Variants in DOP1A observed in about 807,000 individuals in gnomAD.
DOP1A encodes protein DOP1A.
DOP1A carries 90 observed loss-of-function variants against 267.6 expected under a neutral mutation model. That is an observed-to-expected ratio of 0.34 (90% CI 0.28 to 0.40). DOP1A has a LOEUF of 0.40. DOP1A is among the 10% of genes least tolerant of loss of function. DOP1A has a pLI of 1.00. For synonymous variants in DOP1A, 932 were observed against 999.1 expected (o/e 0.93, Z 1.27); for missense variants, 2,437 against 2,900.4 (o/e 0.84, Z 3.67).
chr6:83,145,385 C>A, intron 24 of DOP1A, 139 bp from the exon 25 acceptor site: 1 of 709,666 alleles, frequency 1.4e-6, no homozygotes, highest in Non-Finnish European at 2.1e-6. Flanking sequence ...GAGTTTGAGA[C>A]CAGGCTGGGC....
chr6:83,118,830 G>GA, intron 7 of DOP1A, 58 bp from the exon 8 acceptor site: 4 of 1,466,918 alleles, frequency 2.7e-6, no homozygotes, highest in South Asian at 2.5e-5. Context: ...TTTTAAAGAG[G>GA]AAAAAAATAA....
intron 23 of DOP1A, 74 bp downstream of exon 23, chr6:83,140,477 T>A: frequency 8.2e-7 from 1 of 1,216,624 alleles, no homozygotes; most frequent in Non-Finnish European, 1.1e-6. Context: ...TCAGAATATG[T>A]GAATAATTTG....
At chr6:83,098,120 A>T (rs1771846694) in intron 3 of DOP1A, among the ~76,000 whole-genome samples, 1 of 152,012 alleles carries the variant, frequency 6.6e-6, no homozygotes, top group Non-Finnish European at 1.5e-5. Flanking sequence ...CTTGGCCTCA[A>T]ATGATCCTCC....
At chr6:83,077,481 C>T (rs1767299893) in intron 1 of DOP1A, among the ~76,000 whole-genome samples, 3 of 151,704 alleles carry the variant, frequency 2.0e-5, no homozygotes, top group Admixed American at 1.3e-4. Flanking sequence ...CCAACCTGGG[C>T]AAGAAAGTAA....
chr6:83,100,844 TA>T lies in DOP1A; in HGVS notation c.280del (p.Ile94LeufsTer28). ...GAAACATATGAAATTATCTTCAAAA[TA>T]ATTGGACCTAAGCGACTTGCCAAAG... ...ALETYEIIFKIIGPKRLAKDL... is the reference protein window; with the variant it reads ...ALETYEIIFKXIGPKRLAKDL... On this transcript the variant is annotated frameshift_variant, in exon 4 of 39. Transcript: ENST00000349129. LOFTEE classifies it high-confidence loss of function. 6.3e-7 allele frequency: 1 copy of T among 1,578,954 alleles called. No individual in the cohort carries two copies.
chr6:83,096,112 T>G (rs1267778337), intron 1 of DOP1A, among the ~76,000 whole-genome samples: 1 of 152,064 alleles, frequency 6.6e-6, no homozygotes, highest in African/African-American at 2.4e-5. Context: ...TGGATTTGTT[T>G]TTTTGCTTTA....
intron 27 of DOP1A, 103 bp downstream of exon 27, chr6:83,148,966 A>G (rs1346281697): frequency 6.2e-6 from 4 of 643,722 alleles, no homozygotes; most frequent in Non-Finnish European, 9.6e-6. Context: ...TGATCTCTCT[A>G]CCTTCTCATA....
At chr6:83,147,173 C>T in intron 25 of DOP1A, 63 bp from the exon 26 acceptor site, 1 of 811,384 alleles carries the variant, frequency 1.2e-6, no homozygotes. Context: ...AGAGTAGTTG[C>T]AACAATGAAA....
rs776298607 is a variant in DOP1A at position 83,158,579 on chromosome 6, T to A, written c.6754T>A (p.Leu2252Ile). ...TMITELVQVF[L>I]LMEQELTADE... ...TCACCATTTTCAGGTACAAGTATTT[T>A]TACTGATGGAGCAGGAACTCACTGC... is the stretch of plus-strand genomic sequence containing the variant. The change falls in exon 36 of 39, where the codon TTA (leucine) becomes ATA (isoleucine). Residue 2252 changes from leucine to isoleucine, a missense_variant. Transcript: ENST00000349129. 5 of 1,606,064 alleles carry A rather than the reference T, an allele frequency of 3.1e-6. No homozygotes were observed. In the African/African-American group the frequency reaches 6.7e-5, roughly 21 times the overall value.
rs1342516174 is a variant in DOP1A at position 83,096,921 on chromosome 6, G to A, written c.-53-4G>A. The A allele has an allele frequency of 5.7e-6, 9 of 1,580,510 alleles. No individual in the cohort carries two copies. The highest frequency in any genetic ancestry group is 7.7e-6 in the Non-Finnish European group (9 of 1,164,904). On this transcript the variant is annotated splice_polypyrimidine_tract_variant and splice_region_variant and intron_variant, in intron 2 of 38. Transcript: ENST00000349129. ...CTTGGTTCCTCCTGCAAACTCTTTTGTAGGTAATGACTTTACATGAGTTTG... is the reference window on the plus strand; with the variant it reads ...CTTGGTTCCTCCTGCAAACTCTTTTATAGGTAATGACTTTACATGAGTTTG...
intron 38 of DOP1A, chr6:83,164,790 C>G (rs1785059758): frequency 1.5e-6 from 2 of 1,297,452 alleles, no homozygotes; most frequent in Middle Eastern, 1.9e-4. Context: ...AAACCCAGGT[C>G]TGAATGTCAA....
At chr6:83,134,339 T>G (rs759634591) in intron 19 of DOP1A, 52 bp downstream of exon 19, 2 of 1,493,084 alleles carry the variant, frequency 1.3e-6, no homozygotes, top group Non-Finnish European at 1.8e-6. Flanking sequence ...TAATGTTGCC[T>G]CTTTCCTTGA....
intron 7 of DOP1A, among the ~76,000 whole-genome samples, chr6:83,114,846 A>C (rs1279600012): frequency 6.6e-6 from 1 of 152,186 alleles, no homozygotes; most frequent in Non-Finnish European, 1.5e-5. Context: ...GTTTTTTAAA[A>C]GTATACACCC....
chr6:83,069,454 T>A (rs1192335981), intron 1 of DOP1A, among the ~76,000 whole-genome samples: 1 of 152,184 alleles, frequency 6.6e-6, no homozygotes, highest in African/African-American at 2.4e-5. Context: ...GCCAAATGGT[T>A]AACAACTCTT....
In DOP1A at chr6:83,137,383, C is replaced by T; in HGVS notation, c.3341C>T (p.Ser1114Leu). 1 of 1,613,842 alleles carries T rather than the reference C, an allele frequency of 6.2e-7. No individual in the cohort carries two copies. The highest frequency in any genetic ancestry group is 2.2e-5 in the East Asian group (1 of 44,840). Residue 1114 changes from serine to leucine, a missense_variant, in exon 21 of 39, where the codon TCA (serine) becomes TTA (leucine). Coordinates refer to ENST00000349129, the MANE Select transcript of DOP1A (RefSeq NM_015018.4). ...EILQSSDSGC[S>L]QSSAGDNLSY... ...CTTCAGAGTTCTGACTCGGGATGTTCACAGTCCTCTGCTGGGGACAACTTG... is the reference window on the plus strand; with the variant it reads ...CTTCAGAGTTCTGACTCGGGATGTTTACAGTCCTCTGCTGGGGACAACTTG...
chr6:83,126,871 A>C (rs900001260), intron 15 of DOP1A, among the ~76,000 whole-genome samples: 1 of 152,122 alleles, frequency 6.6e-6, no homozygotes, highest in Non-Finnish European at 1.5e-5. Flanking sequence ...TTATTGCCCA[A>C]ATCAGTCTCA....
At chr6:83,135,505 T>G (rs907093549) in intron 19 of DOP1A, 114 bp from the exon 20 acceptor site, 11 of 1,111,752 alleles carry the variant, frequency 9.9e-6, no homozygotes, top group African/African-American at 1.6e-5. Flanking sequence ...TCCTGAAGTA[T>G]GACTACTTCA....
chr6:83,083,719 A>G (rs1027975498), intron 1 of DOP1A, among the ~76,000 whole-genome samples: 5 of 152,236 alleles, frequency 3.3e-5, no homozygotes, highest in Admixed American at 2.0e-4. Flanking sequence ...TTTGGCTACT[A>G]TGCTTTGGAG....
At chr6:83,155,827 CAA>C in intron 33 of DOP1A, 122 bp from the exon 34 acceptor site, 2 of 1,161,598 alleles carry the variant, frequency 1.7e-6, no homozygotes, top group Non-Finnish European at 2.4e-6. Flanking sequence ...AGAGGGGCAT[CAA>C]GTTTTGTACC....
Sources: gnomAD v4.1 joint callset for allele counts (sites outside exome capture counted in the v4.1 genomes callset) on GRCh38, gnomAD v4.1.1 for gene constraint, MANE v1.5 for transcripts, NCBI Gene and HGNC (gene_info 2026-07-23, HGNC 2026-07-21) for gene names.